The following SCART1 variants were observed in gnomAD, a reference collection of about 807,000 sequenced individuals.
SCART1 encodes the protein scavenger receptor cysteine-rich domain-containing protein SCART1.
Under a neutral mutation model 36.2 loss-of-function variants are expected in SCART1, and 62 were observed. The observed-to-expected ratio is 1.71, with a 90% confidence interval of 1.40 to 2.12. The LOEUF (loss-of-function observed/expected upper bound fraction) is 2.12. SCART1 is among the 30% of genes most tolerant of loss of function. The probability of loss-of-function intolerance (pLI) is 0.00; values close to 1 mark genes in which losing one functional copy is unlikely to be tolerated. For missense variants in SCART1, 1,041 were observed against 540.5 expected, an observed-to-expected ratio of 1.93 and a Z score of -9.18; for synonymous variants, 487 against 238.7, an observed-to-expected ratio of 2.04 and a Z score of -9.59.
intron 3 of SCART1, 28 bp from the exon 4 acceptor site, chr10:133,458,332 T>C: frequency 1.4e-6 from 1 of 702,516 alleles, no homozygotes; most frequent in East Asian, 2.7e-5. Flanking sequence ...AACACCTGTC[T>C]CCTGCCTGAG....
chr10:133,463,496 G>A (rs894994533), intron 6 of SCART1, among the ~76,000 whole-genome samples: 17 of 130,364 alleles, frequency 1.3e-4, no homozygotes, highest in African/African-American at 1.9e-4. Context: ...TTGTTTTTAC[G>A]TATTTGACTT....
At chr10:133,465,060 G>T (rs1266884541) in intron 7 of SCART1, 46 bp from the exon 8 acceptor site, 1 of 702,564 alleles carries the variant, frequency 1.4e-6, no homozygotes, top group Middle Eastern at 2.3e-4. Flanking sequence ...TCCTTGTGAA[G>T]CTTCTCTGGG....
At chr10:133,461,103 C>T (rs895683350) in intron 6 of SCART1, among the ~76,000 whole-genome samples, 1 of 152,048 alleles carries the variant, frequency 6.6e-6, no homozygotes, top group Non-Finnish European at 1.5e-5. Flanking sequence ...TCACACATAC[C>T]TGAGCGTCTT....
chr10:133,466,278 A>G, exon 10 of SCART1: 1 of 702,670 alleles, frequency 1.4e-6, no homozygotes, highest in Non-Finnish European at 2.6e-6. Flanking sequence ...CCTTCCGGAC[A>G]TTCTGGGTGG....
At chr10:133,456,505 G>T (rs1364833491) in exon 2 of SCART1, 2 of 693,314 alleles carry the variant, frequency 2.9e-6, no homozygotes, top group Non-Finnish European at 5.3e-6. Flanking sequence ...TTGGCTCATG[G>T]TGCCAGAGCC....
chr10:133,463,732 A>G (rs564426501), intron 6 of SCART1, among the ~76,000 whole-genome samples: 8 of 152,238 alleles, frequency 5.3e-5, no homozygotes, highest in African/African-American at 1.9e-4. Flanking sequence ...TATGGGGTTC[A>G]TAGTGGTGTT....
At chr10:133,463,941 G>A (rs777114200) in intron 6 of SCART1, among the ~76,000 whole-genome samples, 6 of 151,982 alleles carry the variant, frequency 3.9e-5, no homozygotes, top group Admixed American at 2.0e-4. Flanking sequence ...CTGTAATTTT[G>A]TATCTTTACA....
At chr10:133,455,543 A>G (rs1850597719) in intron 1 of SCART1, among the ~76,000 whole-genome samples, 1 of 151,984 alleles carries the variant, frequency 6.6e-6, no homozygotes, top group Non-Finnish European at 1.5e-5. Flanking sequence ...CACCACCCAC[A>G]TGGACTTCCT....
At chr10:133,459,369 G>C (rs1465584564) in intron 5 of SCART1, 43 bp downstream of exon 5, 1 of 621,048 alleles carries the variant, frequency 1.6e-6, no homozygotes. Flanking sequence ...TGAGTGAGAG[G>C]CATGGACAGA....
At chr10:133,457,054 T>C in intron 2 of SCART1, 1 of 570,280 alleles carries the variant, frequency 1.8e-6, no homozygotes, top group Non-Finnish European at 3.1e-6. Context: ...GGGCCCAGTG[T>C]GAACGGATCC....
chr10:133,453,998 A>C (rs1850579013), exon 1 of SCART1: 1 of 702,980 alleles, frequency 1.4e-6, no homozygotes, highest in Admixed American at 2.0e-5. Context: ...CTGTGGGACC[A>C]TGAGGGCAGC....
At chr10:133,464,824 C>T (rs1564835655) in exon 7 of SCART1, 1 of 702,848 alleles carries the variant, frequency 1.4e-6, no homozygotes, top group Non-Finnish European at 2.6e-6. Context: ...GGGTGGACAA[C>T]ATCGAGTGCC....
At chr10:133,460,950 G>T (rs567790255) in intron 6 of SCART1, among the ~76,000 whole-genome samples, 1 of 151,650 alleles carries the variant, frequency 6.6e-6, no homozygotes, top group South Asian at 2.1e-4. Context: ...TGCCCAGGCC[G>T]GTCTCAAACT....
intron 6 of SCART1, chr10:133,464,208 A>T: frequency 5.2e-6 from 1 of 193,580 alleles, no homozygotes; most frequent in Non-Finnish European, 1.0e-5. Context: ...CTATCCATGT[A>T]TCTGTTGTTG....
At chr10:133,467,962 G>A (rs1362121566) in exon 12 of SCART1, 14 of 691,522 alleles carry the variant, frequency 2.0e-5, no homozygotes, top group Admixed American at 4.1e-5. Context: ...AGGAGATGAC[G>A]TTGTAAAGCA....
chr10:133,460,148 G>A, exon 6 of SCART1: 1 of 509,342 alleles, frequency 2.0e-6, no homozygotes, highest in Non-Finnish European at 3.4e-6. Flanking sequence ...GGCACAAGGA[G>A]GACGCCGGCG....
In SCART1 at chr10:133,465,101, C is replaced by G; in HGVS notation, c.2276-5C>G. 1.4e-6 allele frequency: 1 copy of G among 703,038 alleles called. No individual in the cohort carries two copies. Among genetic ancestry groups the G allele is most frequent in the Non-Finnish European group, 2.6e-6 (1 of 385,016 alleles). The allele number at this position is 703,038 out of a possible 1,614,324, so 43.5% of individuals were successfully genotyped here. On this transcript the variant is annotated splice_polypyrimidine_tract_variant and splice_region_variant and intron_variant, in intron 7 of 11. Transcript: ENST00000640237. ...AAGCTCTCAGAGCTGCTGTTTAACCCGCAGGATTGTCAGAGGACAGGCCAC... is the reference window on the plus strand; with the variant it reads ...AAGCTCTCAGAGCTGCTGTTTAACCGGCAGGATTGTCAGAGGACAGGCCAC...
chr10:133,464,483 G>T, intron 6 of SCART1, 123 bp from the exon 7 acceptor site: 1 of 598,084 alleles, frequency 1.7e-6, no homozygotes, highest in Non-Finnish European at 3.0e-6. Context: ...TTCTGAAGAA[G>T]CTCTATACTG....
chr10:133,461,791 G>T (rs1245709109), intron 6 of SCART1, among the ~76,000 whole-genome samples: 4 of 152,186 alleles, frequency 2.6e-5, no homozygotes, highest in African/African-American at 9.7e-5. Flanking sequence ...TCATTTTCTA[G>T]AACATTCTGC....
Sources: allele counts gnomAD v4.1 joint callset (sites outside exome capture counted in the v4.1 genomes callset), GRCh38; gene constraint gnomAD v4.1.1; transcripts MANE v1.5; gene names NCBI Gene and HGNC (gene_info 2026-07-23, HGNC 2026-07-21).